PLD5: variants seen among roughly 807,000 people sequenced by gnomAD.
The protein encoded by PLD5 is phospholipase D family member 5.
A neutral mutation model predicts 61.1 loss-of-function variants in PLD5; 36 were observed. That is an observed-to-expected ratio of 0.59 (90% CI 0.45 to 0.78). PLD5 has a LOEUF of 0.78. PLD5 is among the 30% of genes least tolerant of loss of function. The pLI is 0.00. For missense variants in PLD5, 515 were observed against 644.4 expected (o/e 0.80, Z 2.17); for synonymous variants, 243 against 242.8 (o/e 1.00, Z -0.01).
chr1:242,190,182 G>C (rs546653905), intron 5 of PLD5, among the ~76,000 whole-genome samples: 14 of 115,804 alleles, frequency 1.2e-4, no homozygotes, highest in East Asian at 5.6e-4. Flanking sequence ...GTCTCGCTCT[G>C]TCGCCCAGGC....
chr1:242,091,504 C>T (rs1170297657), intron 9 of PLD5, among the ~76,000 whole-genome samples: 1 of 152,130 alleles, frequency 6.6e-6, no homozygotes, highest in Non-Finnish European at 1.5e-5. Flanking sequence ...CTAAAGATAC[C>T]CCAAAGGATA....
intron 3 of PLD5, among the ~76,000 whole-genome samples, chr1:242,277,749 G>A (rs1188929375): frequency 7.3e-5 from 11 of 151,212 alleles, no homozygotes; most frequent in African/African-American, 2.4e-4. Flanking sequence ...TTGGGAGGCC[G>A]ACGCGGAAGG....
At position 242,411,328 on chromosome 1, in the gene PLD5, C is replaced by T. The variant is rs369615713; in HGVS notation, c.190-63086G>A. ...TCGGCTCACTGCAAGCTCCGCCTCC[C>T]GGGTTCACGCCATTCTCCTGCCTCA... On this transcript the variant is annotated intron_variant, in intron 1 of 9. Transcript: ENST00000536534. Among the ~76,000 whole-genome samples, 590 of 152,292 alleles carry T rather than the reference C, an allele frequency of 3.9e-3. 5 individuals are homozygous for T. The highest frequency in any genetic ancestry group is 0.013 in the African/African-American group (559 of 41,572).
chr1:242,121,407 T>C (rs1011299340), intron 6 of PLD5, among the ~76,000 whole-genome samples: 3 of 152,210 alleles, frequency 2.0e-5, no homozygotes, highest in African/African-American at 7.2e-5. Flanking sequence ...TTTCTGACTG[T>C]TTTTGTACCT....
chr1:242,190,337 G>A (rs540816436), intron 5 of PLD5, among the ~76,000 whole-genome samples: 23 of 151,240 alleles, frequency 1.5e-4, no homozygotes, highest in South Asian at 4.2e-4. Flanking sequence ...TAGTAGAGAC[G>A]GGGTTTCACC....
At chr1:242,348,792 T>A (rs200679637) in intron 1 of PLD5, among the ~76,000 whole-genome samples, 1 of 152,152 alleles carries the variant, frequency 6.6e-6, no homozygotes, top group African/African-American at 2.4e-5. Context: ...CGGTGGCTCA[T>A]GCCTGTAATC....
At chr1:242,378,905 A>T (rs897451749) in intron 1 of PLD5, among the ~76,000 whole-genome samples, 1 of 152,130 alleles carries the variant, frequency 6.6e-6, no homozygotes, top group African/African-American at 2.4e-5. Flanking sequence ...AAAACAACCA[A>T]CAACTGGAAG....
chr1:242,493,178 T>C (rs1048642948), intron 1 of PLD5, among the ~76,000 whole-genome samples: 1 of 152,198 alleles, frequency 6.6e-6, no homozygotes, highest in Admixed American at 6.5e-5. Context: ...TCAGAATGTC[T>C]TACTTGCCAA....
At position 242,377,485 on chromosome 1, in the gene PLD5, C is replaced by T. The variant is rs1370260914; in HGVS notation, c.190-29243G>A. 4 of 669,904 alleles carry T rather than the reference C, an allele frequency of 6.0e-6. No homozygotes were observed. In the Admixed American group the frequency reaches 1.1e-4, roughly 18 times the overall value. 41.5% of individuals were successfully genotyped at this position (669,904 alleles called of 1,614,324 possible). A position where few individuals can be genotyped will look rare whatever the true frequency, so the allele number is the denominator to read the frequency against. ...ATTTCTTTAATTCTTTAATAGTAAA[C>T]ACAGCTTCTTCCAACAAAAGCCTCT... On this transcript the variant is annotated intron_variant, in intron 1 of 9. Transcript: ENST00000536534.
chr1:242,305,566 TTTTTC>T (rs1279853945), intron 2 of PLD5, among the ~76,000 whole-genome samples: 1 of 151,978 alleles, frequency 6.6e-6, no homozygotes, highest in Non-Finnish European at 1.5e-5. Flanking sequence ...TTCTTATTTT[TTTTTC>T]TTTTTTGAGA....
chr1:242,438,338 A>G (rs1666103531), intron 1 of PLD5, among the ~76,000 whole-genome samples: 1 of 149,294 alleles, frequency 6.7e-6, no homozygotes, highest in Admixed American at 6.8e-5. Flanking sequence ...ATCTTGGCTC[A>G]CTGCAACCTC....
At chr1:242,490,679 C>T (rs543930695) in intron 1 of PLD5, among the ~76,000 whole-genome samples, 184 of 152,278 alleles carry the variant, frequency 1.2e-3, no homozygotes, top group Non-Finnish European at 2.1e-3. Flanking sequence ...GTAGAACCCA[C>T]ATCTGCATTA....
intron 5 of PLD5, among the ~76,000 whole-genome samples, chr1:242,217,350 C>T (rs12038736): frequency 0.6 from 90,559 of 151,958 alleles, 29,286 homozygotes; most frequent in South Asian, 0.79. Context: ...TGGCCAGGCA[C>T]GGTGGCTCAC....
At chr1:242,163,668 T>C (rs1666072774) in intron 5 of PLD5, among the ~76,000 whole-genome samples, 1 of 152,198 alleles carries the variant, frequency 6.6e-6, no homozygotes, top group South Asian at 2.1e-4. Flanking sequence ...TTTCCCTGTC[T>C]TTTTGTGTCT....
chr1:242,476,261 A>G (rs1178332233), intron 1 of PLD5, among the ~76,000 whole-genome samples: 1 of 152,150 alleles, frequency 6.6e-6, no homozygotes, highest in Non-Finnish European at 1.5e-5. Context: ...AGGCTGAAAC[A>G]GGAGAATCAC....
rs781340240 is a variant in PLD5, at chr1:242,515,199, C to T, written c.189+8889G>A. On this transcript the variant is annotated intron_variant, in intron 1 of 9. Coordinates refer to ENST00000536534, the MANE Select transcript of PLD5 (RefSeq NM_001372062.1). ...TGCTTCAGCTTTGCCTTTGTGTGTGCGTGTGTGTGTGTGTGTGTGTGAGAG... is the reference window on the plus strand; with the variant it reads ...TGCTTCAGCTTTGCCTTTGTGTGTGTGTGTGTGTGTGTGTGTGTGTGAGAG... 2.8e-4 allele frequency among the ~76,000 whole-genome samples: 42 copies of T among 149,138 alleles called. 2 individuals are homozygous for T. The East Asian group carries it at 5.9e-3, about 21-fold the overall frequency.
At chr1:242,191,059 C>T (rs1036629345) in intron 5 of PLD5, among the ~76,000 whole-genome samples, 3 of 151,474 alleles carry the variant, frequency 2.0e-5, no homozygotes, top group Non-Finnish European at 4.4e-5. Context: ...CAAGAGGAGG[C>T]TCCTTCTGAA....
At chr1:242,427,529 T>C (rs961199043) in intron 1 of PLD5, among the ~76,000 whole-genome samples, 1 of 152,244 alleles carries the variant, frequency 6.6e-6, no homozygotes, top group Admixed American at 6.5e-5. Context: ...TGGTGGCAGA[T>C]GGGAACGTGA....
In PLD5 at chr1:242,256,546, A is replaced by C. The variant is rs768037753; in HGVS notation, c.607+8791T>G. On this transcript the variant is annotated intron_variant, in intron 4 of 9. Transcript: ENST00000536534. This position sits in a 1 kb window ranked among gnomAD's most constrained non-coding sequence, Gnocchi z 5.7. ...GCCCTTCTGTCTTATCCGCCACGTG[A>C]GGACACAGCGTTTGTTCCCTCTGGG... Among the ~76,000 whole-genome samples the C allele has an allele frequency of 2.7e-4, 41 of 152,290 alleles. No homozygotes were observed. The highest frequency in any genetic ancestry group is 7.2e-4 in the Admixed American group (11 of 15,304).
Sources: gnomAD v4.1 joint callset for allele counts (sites outside exome capture counted in the v4.1 genomes callset) on GRCh38, gnomAD v4.1.1 for gene constraint, Gnocchi (gnomAD v3.1) non-coding constraint, MANE v1.5 for transcripts, NCBI Gene and HGNC (gene_info 2026-07-23, HGNC 2026-07-21) for gene names.